Variants in MAT1A observed in about 807,000 individuals in gnomAD.
The protein encoded by MAT1A is S-adenosylmethionine synthase isoform type-1.
In MAT1A, 19 loss-of-function variants were observed where a neutral mutation model predicts 44.0. The observed-to-expected ratio is 0.43, with a 90% CI of 0.30 to 0.63. The LOEUF (loss-of-function observed/expected upper bound fraction) is 0.63. MAT1A is among the 30% of genes least tolerant of loss of function. The probability of loss-of-function intolerance (pLI) is 0.12; values close to 1 mark genes in which losing one functional copy is unlikely to be tolerated. For missense variants in MAT1A, 397 were observed against 531.0 expected (o/e 0.75, Z 2.48); for synonymous variants, 205 against 205.6 (o/e 1.00, Z 0.03).
chr10:80,273,695 A>C lies in MAT1A; in HGVS notation c.*86T>G. The C allele has an allele frequency of 1.0e-6, 1 of 955,954 alleles. No individual in the cohort carries two copies. The highest frequency in any genetic ancestry group is 1.7e-6 in the Non-Finnish European group (1 of 582,452). The allele number at this position is 955,954 out of a possible 1,614,324, so 59.2% of individuals were successfully genotyped here. Reference sequence around the variant, plus strand: ...TGCCCTGAGGGTTGGTGGGTGGGGAAGGCGATCAGCAGCCAGGCGTCTGGG... The same window carrying C: ...TGCCCTGAGGGTTGGTGGGTGGGGACGGCGATCAGCAGCCAGGCGTCTGGG... On this transcript the variant is annotated 3_prime_UTR_variant, in exon 9 of 9. Coordinates refer to ENST00000372213, the MANE Select transcript of MAT1A (RefSeq NM_000429.3).
chr10:80,274,020 TGC>T (rs753712687), intron 8 of MAT1A, 137 bp from the exon 9 acceptor site: 138 of 719,938 alleles, frequency 1.9e-4, no homozygotes, highest in Non-Finnish European at 3.2e-4. Flanking sequence ...CCACCGCAGT[TGC>T]GCGCACCCAT....
intron 1 of MAT1A, among the ~76,000 whole-genome samples, chr10:80,287,196 C>T (rs1445622309): frequency 6.6e-6 from 1 of 152,224 alleles, no homozygotes. Context: ...CTAGGGAAAT[C>T]CAACAGGAGA....
rs1335360350 is a variant in MAT1A at position 80,289,504 on chromosome 10, C to CTTCTTT, written c.-82_-81insAAAGAA. On this transcript the variant is annotated 5_prime_UTR_variant, in exon 1 of 9. Transcript: ENST00000372213. ...TTTGCCTGAGTTTTTTTTTCTTCTT[C>CTTCTTT]TTCTTCTTCTTTCAACCCAACAGGC... The CTTCTTT allele has an allele frequency of 1.8e-4, 188 of 1,040,176 alleles. 2 individuals carry two copies. Among genetic ancestry groups the CTTCTTT allele is most frequent in the Non-Finnish European group, 2.6e-4 (173 of 664,330 alleles). 64.4% of individuals were successfully genotyped at this position (1,040,176 alleles called of 1,614,324 possible). A position where few individuals can be genotyped will look rare whatever the true frequency, so the allele number is the denominator to read the frequency against.
chr10:80,287,042 G>C (rs1237858080), intron 1 of MAT1A, among the ~76,000 whole-genome samples: 1 of 152,142 alleles, frequency 6.6e-6, no homozygotes, highest in East Asian at 1.9e-4. Flanking sequence ...ACCACTGAAG[G>C]CCTCTCGCTG....
Position 80,274,057 on chromosome 10 carries a change from C to G in MAT1A, c.1086-174G>C, listed in dbSNP as rs575075146. 2.6e-5 allele frequency among the ~76,000 whole-genome samples: 4 copies of G among 152,280 alleles called. No homozygotes were observed. In the South Asian group the frequency reaches 8.3e-4, roughly 32 times the overall value. Reference sequence around the variant, plus strand: ...TCCTATCTGTGCCATACCCTGGTCTCGTTTTATAGCCCCACGGATGCTTAG... The same window carrying G: ...TCCTATCTGTGCCATACCCTGGTCTGGTTTTATAGCCCCACGGATGCTTAG... On this transcript the variant is annotated intron_variant, in intron 8 of 8. Coordinates refer to ENST00000372213, the MANE Select transcript of MAT1A (RefSeq NM_000429.3).
chr10:80,284,942 T>C (rs1317236893), intron 2 of MAT1A, among the ~76,000 whole-genome samples: 1 of 152,242 alleles, frequency 6.6e-6, no homozygotes, highest in Non-Finnish European at 1.5e-5. Flanking sequence ...AACATTAATG[T>C]CTCTTAGGAA....
At chr10:80,281,696 A>G (rs1042225608) in intron 3 of MAT1A, among the ~76,000 whole-genome samples, 1 of 152,242 alleles carries the variant, frequency 6.6e-6, no homozygotes, top group African/African-American at 2.4e-5. Flanking sequence ...AAGGGCTTAC[A>G]GAGAAAACAC....
At chr10:80,275,919 G>A (rs1256301131) in intron 6 of MAT1A, among the ~76,000 whole-genome samples, 1 of 152,178 alleles carries the variant, frequency 6.6e-6, no homozygotes, top group Non-Finnish European at 1.5e-5. Flanking sequence ...ACAAGAGAGG[G>A]GGCAGTGGTG....
chr10:80,285,630 C>A (rs781656389), intron 1 of MAT1A, 41 bp from the exon 2 acceptor site: 26 of 1,313,640 alleles, frequency 2.0e-5, no homozygotes, highest in Non-Finnish European at 2.9e-5. Flanking sequence ...CAAAAATATT[C>A]GGGATAACAA....
Position 80,278,717 on chromosome 10 carries a change from T to C in MAT1A, c.549+1456A>G, listed in dbSNP as rs1340160871. Among the ~76,000 whole-genome samples, 7 of 152,236 alleles carry C rather than the reference T, an allele frequency of 4.6e-5. No homozygotes were observed. In the East Asian group the frequency reaches 1.3e-3, roughly 29 times the overall value. ...CAGCCAGTATGCAACCTCTGCCCTG[T>C]GCATGGTCTGACACTTGCACAAGAA... On this transcript the variant is annotated intron_variant, in intron 5 of 8. Coordinates refer to ENST00000372213, the MANE Select transcript of MAT1A (RefSeq NM_000429.3).
At chr10:80,280,407 G>T in intron 4 of MAT1A, 91 bp from the exon 5 acceptor site, 1 of 1,497,260 alleles carries the variant, frequency 6.7e-7, no homozygotes, top group African/African-American at 1.4e-5. Context: ...GTGTGTCCAC[G>T]TTGATTGGGT....
At chr10:80,287,124 A>T (rs572692948) in intron 1 of MAT1A, among the ~76,000 whole-genome samples, 1 of 152,302 alleles carries the variant, frequency 6.6e-6, no homozygotes, top group Admixed American at 6.5e-5. Context: ...AAGCTTGCTG[A>T]CTGATCATTG....
At chr10:80,284,890 T>C (rs1233100860) in intron 2 of MAT1A, among the ~76,000 whole-genome samples, 1 of 152,230 alleles carries the variant, frequency 6.6e-6, no homozygotes, top group Non-Finnish European at 1.5e-5. Context: ...TCAGACACAA[T>C]AAATTATGCA....
chr10:80,288,840 C>T (rs867003390), intron 1 of MAT1A, among the ~76,000 whole-genome samples: 6 of 152,158 alleles, frequency 3.9e-5, no homozygotes, highest in Non-Finnish European at 4.4e-5. Context: ...ATGTGTCATA[C>T]TCTTAGCCAG....
At position 80,282,337 on chromosome 10, in the gene MAT1A, G is replaced by C. The variant is rs568247425; in HGVS notation, c.293-1545C>G. 2.0e-5 allele frequency among the ~76,000 whole-genome samples: 3 copies of C among 152,288 alleles called. No homozygotes were observed. The South Asian group carries it at 6.2e-4, about 32-fold the overall frequency. ...CGAGGAGCCACTGGCCTGAGACCCT[G>C]CTAAGGCTGTTCCTGTCCACTGAGC... On this transcript the variant is annotated intron_variant, in intron 3 of 8. Coordinates refer to ENST00000372213, the MANE Select transcript of MAT1A (RefSeq NM_000429.3).
In MAT1A at chr10:80,272,825, G is replaced by C. The variant is rs1368895034; in HGVS notation, c.*956C>G. ...AACTCCAGCCTACCCTGATGGGCCA[G>C]GTAAGCCAACTCACCCTCAGTCATC... On this transcript the variant is annotated 3_prime_UTR_variant, in exon 9 of 9. Transcript: ENST00000372213. The C allele has an allele frequency of 6.6e-6, 1 of 152,278 alleles. No individual in the cohort carries two copies. Among genetic ancestry groups the C allele is most frequent in the Non-Finnish European group, 1.5e-5 (1 of 68,094 alleles). The allele number at this position is 152,278 out of a possible 1,614,324, so 9.4% of individuals were successfully genotyped here.
Position 80,273,776 on chromosome 10 carries a change from T to C in MAT1A, c.*5A>G. ...GGGTGAGACCAGGCCCAGCTCCCCC[T>C]GGCTCTAAAATACAAGCTTCCTGGG... On this transcript the variant is annotated 3_prime_UTR_variant, in exon 9 of 9. Coordinates refer to ENST00000372213, the MANE Select transcript of MAT1A (RefSeq NM_000429.3). The C allele has an allele frequency of 6.2e-7, 1 of 1,605,436 alleles. No homozygotes were observed. Among genetic ancestry groups the C allele is most frequent in the Non-Finnish European group, 8.5e-7 (1 of 1,172,874 alleles).
chr10:80,286,385 C>T (rs117880525), intron 1 of MAT1A, among the ~76,000 whole-genome samples: 1,605 of 152,242 alleles, frequency 0.011, 26 homozygotes, highest in Non-Finnish European at 0.013. Flanking sequence ...ACACCACACC[C>T]AAGTACATGA....
chr10:80,286,780 TA>T (rs1235896217), intron 1 of MAT1A, among the ~76,000 whole-genome samples: 4 of 152,218 alleles, frequency 2.6e-5, no homozygotes, highest in Admixed American at 2.0e-4. Flanking sequence ...AGTCTGCTCT[TA>T]ATAGAGTAAT....
Sources: gnomAD v4.1 joint callset for allele counts (sites outside exome capture counted in the v4.1 genomes callset) on GRCh38, gnomAD v4.1.1 for gene constraint, MANE v1.5 for transcripts, NCBI Gene and HGNC (gene_info 2026-07-23, HGNC 2026-07-21) for gene names.